Variants in YWHAB observed in about 807,000 individuals in gnomAD.
The protein encoded by YWHAB is 14-3-3 protein beta/alpha.
YWHAB carries 2 observed loss-of-function variants against 28.5 expected under a neutral mutation model. The observed-to-expected ratio is 0.07, with a 90% confidence interval of 0.03 to 0.22. The LOEUF is 0.22. YWHAB is among the 10% of genes least tolerant of loss of function. YWHAB has a pLI of 1.00. For synonymous variants in YWHAB, 103 were observed against 104.7 expected (o/e 0.98, Z 0.10); for missense variants, 148 against 297.1 (o/e 0.50, Z 3.69).
chr20:44,886,303 A>G (rs1052797385), intron 1 of YWHAB: 1 of 152,304 alleles, frequency 6.6e-6, no homozygotes, highest in African/African-American at 2.4e-5. Context: ...ATTAAAATTT[A>G]ATCAAACGCG....
chr20:44,901,626 C>T lies in YWHAB; in HGVS notation c.93C>T (p.Val31=). ...ATATGGCTGCAGCCATGAAGGCAGTCACAGAACAGGGGCATGAACTCTCCA... is the reference window on the plus strand; with the variant it reads ...ATATGGCTGCAGCCATGAAGGCAGTTACAGAACAGGGGCATGAACTCTCCA... ...YDDMAAAMKA[V]TEQGHELSNE... Residue 31 remains valine (V), a synonymous_variant, in exon 2 of 6, where the codon GTC becomes GTT. Transcript: ENST00000353703. 7 of 1,614,130 alleles carry T rather than the reference C, an allele frequency of 4.3e-6. No individual in the cohort carries two copies. The highest frequency in any genetic ancestry group is 5.9e-6 in the Non-Finnish European group (7 of 1,179,998).
chr20:44,891,348 A>G (rs1037452426), intron 1 of YWHAB, among the ~76,000 whole-genome samples: 1 of 151,654 alleles, frequency 6.6e-6, no homozygotes, highest in Non-Finnish European at 1.5e-5. Flanking sequence ...TCAAGTGATC[A>G]CCCTCCTCGG....
At chr20:44,898,461 T>C (rs1322010838) in intron 1 of YWHAB, among the ~76,000 whole-genome samples, 1 of 152,126 alleles carries the variant, frequency 6.6e-6, no homozygotes, top group Non-Finnish European at 1.5e-5. Context: ...CAGAAATGAC[T>C]TTTGAGGCAA....
intron 1 of YWHAB, 140 bp from the exon 2 acceptor site, chr20:44,901,391 A>G (rs1484573656): frequency 2.0e-5 from 18 of 878,924 alleles, no homozygotes; most frequent in African/African-American, 6.7e-5. Flanking sequence ...TATATCATCA[A>G]TATTGTTGAT....
At chr20:44,892,534 C>G (rs1245386092) in intron 1 of YWHAB, among the ~76,000 whole-genome samples, 1 of 152,040 alleles carries the variant, frequency 6.6e-6, no homozygotes, top group Non-Finnish European at 1.5e-5. Flanking sequence ...TTAAATTCCT[C>G]TCAATGAATA....
intron 1 of YWHAB, among the ~76,000 whole-genome samples, chr20:44,897,319 C>G (rs1244247479): frequency 2.0e-5 from 3 of 152,144 alleles, no homozygotes; most frequent in Non-Finnish European, 4.4e-5. Context: ...GGCTTTTGGC[C>G]AGTACTTTAT....
At position 44,904,097 on chromosome 20, in the gene YWHAB, A is replaced by G. The variant is rs2066642474; in HGVS notation, c.405A>G (p.Ala135=). 1 of 1,612,374 alleles carries G rather than the reference A, an allele frequency of 6.2e-7. No individual in the cohort carries two copies. Among genetic ancestry groups the G allele is most frequent in the Non-Finnish European group, 8.5e-7 (1 of 1,179,514 alleles). Residue 135 remains alanine (A), a synonymous_variant, in exon 3 of 6, where the codon GCA becomes GCG. Coordinates refer to ENST00000353703, the MANE Select transcript of YWHAB (RefSeq NM_139323.4). ...ATTTTAGGTATCTTTCTGAAGTGGC[A>G]TCTGGAGACAACAAACAAAGTAAGT... The part of the protein sequence containing the change: ...GDYFRYLSEV[A]SGDNKQTTVS...
chr20:44,904,595 C>A (rs2066646006), intron 3 of YWHAB, among the ~76,000 whole-genome samples: 1 of 152,122 alleles, frequency 6.6e-6, no homozygotes, highest in African/African-American at 2.4e-5. Flanking sequence ...ATGGAGGTTT[C>A]TACTTGCCCC....
At position 44,901,641 on chromosome 20, in the gene YWHAB, T is replaced by C. The variant is rs2066627613; in HGVS notation, c.108T>C (p.His36=). 1 of 1,614,140 alleles carries C rather than the reference T, an allele frequency of 6.2e-7. No individual in the cohort carries two copies. Among genetic ancestry groups the C allele is most frequent in the Non-Finnish European group, 8.5e-7 (1 of 1,180,022 alleles). The change falls in exon 2 of 6, where the codon CAT becomes CAC. Residue 36 remains histidine, a synonymous_variant. Transcript: ENST00000353703. ...TGAAGGCAGTCACAGAACAGGGGCA[T>C]GAACTCTCCAACGAAGAGAGAAATC... ...AAMKAVTEQG[H]ELSNEERNLL...
At chr20:44,894,948 A>C (rs1290441460) in intron 1 of YWHAB, among the ~76,000 whole-genome samples, 1 of 152,248 alleles carries the variant, frequency 6.6e-6, no homozygotes, top group Non-Finnish European at 1.5e-5. Context: ...TTTGCATATG[A>C]GTTTTGTGCT....
intron 1 of YWHAB, among the ~76,000 whole-genome samples, chr20:44,893,088 G>A (rs2425670): frequency 0.6 from 91,443 of 151,994 alleles, 28,118 homozygotes; most frequent in African/African-American, 0.72. Flanking sequence ...TGGATTAGCA[G>A]TAGGTAGTCT....
intron 1 of YWHAB, among the ~76,000 whole-genome samples, chr20:44,893,336 C>T (rs1189387487): frequency 6.6e-6 from 1 of 152,034 alleles, no homozygotes; most frequent in Non-Finnish European, 1.5e-5. Context: ...AATTATTTTT[C>T]ATAGCTGTTT....
In YWHAB at chr20:44,907,001, C is replaced by G. The variant is rs2066661754; in HGVS notation, c.*563C>G. 6.6e-6 allele frequency: 1 copy of G among 152,394 alleles called. No homozygotes were observed. Among genetic ancestry groups the G allele is most frequent in the South Asian group, 2.1e-4 (1 of 4,838 alleles). 9.4% of individuals were successfully genotyped at this position (152,394 alleles called of 1,614,324 possible). A position where few individuals can be genotyped will look rare whatever the true frequency, so the allele number is the denominator to read the frequency against. On this transcript the variant is annotated 3_prime_UTR_variant, in exon 6 of 6. Transcript: ENST00000353703. ...TTTGGGCTGTTGCCACTTAAAAGTT[C>G]ATGACCACAAATGTCCACAGTGTCT...
chr20:44,903,392 A>T (rs1179663681), intron 2 of YWHAB: 1 of 153,486 alleles, frequency 6.5e-6, no homozygotes, highest in African/African-American at 2.4e-5. Flanking sequence ...CTTTAAACTT[A>T]GTTCTTGGCA....
intron 1 of YWHAB, among the ~76,000 whole-genome samples, chr20:44,891,035 C>T (rs1364579693): frequency 6.6e-6 from 1 of 152,116 alleles, no homozygotes; most frequent in Non-Finnish European, 1.5e-5. Flanking sequence ...GTGGAATGTA[C>T]TGTGGTTGCC....
At chr20:44,889,350 C>G (rs1001057683) in intron 1 of YWHAB, among the ~76,000 whole-genome samples, 3 of 152,126 alleles carry the variant, frequency 2.0e-5, no homozygotes, top group African/African-American at 4.8e-5. Flanking sequence ...TTACTGCTTT[C>G]TCAACTAAAA....
At position 44,899,804 on chromosome 20, in the gene YWHAB, C is replaced by A. The variant is rs895575056; in HGVS notation, c.-3-1727C>A. 2.6e-5 allele frequency among the ~76,000 whole-genome samples: 4 copies of A among 152,132 alleles called. No individual in the cohort carries two copies. The South Asian group carries it at 8.3e-4, about 32-fold the overall frequency. On this transcript the variant is annotated intron_variant, in intron 1 of 5. Coordinates refer to ENST00000353703, the MANE Select transcript of YWHAB (RefSeq NM_139323.4). ...TTGATAAATTGATAAACTGAAGTCA[C>A]TAGGATTTTTGTCTATTTCAGAAAA... is the stretch of plus-strand genomic sequence containing the variant.
At chr20:44,906,323 C>T (rs2145541767) in intron 5 of YWHAB, 59 bp from the exon 6 acceptor site, 1 of 1,546,442 alleles carries the variant, frequency 6.5e-7, no homozygotes. Context: ...ACATACTGGG[C>T]CACTTACCTA....
intron 1 of YWHAB, among the ~76,000 whole-genome samples, chr20:44,895,028 G>T (rs1327134563): frequency 6.6e-6 from 1 of 152,234 alleles, no homozygotes; most frequent in Non-Finnish European, 1.5e-5. Flanking sequence ...ACGTGAAGCT[G>T]TAAGTGGTAC....
Sources: allele counts gnomAD v4.1 joint callset (sites outside exome capture counted in the v4.1 genomes callset), GRCh38; gene constraint gnomAD v4.1.1; transcripts MANE v1.5; gene names NCBI Gene and HGNC (gene_info 2026-07-23, HGNC 2026-07-21).